GTF3C3: variants seen among roughly 807,000 people sequenced by gnomAD.
GTF3C3 encodes the protein general transcription factor 3C polypeptide 3.
A neutral mutation model predicts 105.2 loss-of-function variants in GTF3C3; 75 were observed. The observed-to-expected ratio is 0.71, with a 90% CI of 0.59 to 0.86. GTF3C3 has a LOEUF of 0.86. Ranked by LOEUF, GTF3C3 falls within the 40% of genes least tolerant of loss-of-function variation. The pLI is 0.00. For synonymous variants in GTF3C3, 335 were observed against 370.4 expected, an observed-to-expected ratio of 0.90 and a Z score of 1.10; for missense variants, 856 against 1,076.5, an observed-to-expected ratio of 0.80 and a Z score of 2.87.
intron 16 of GTF3C3, among the ~76,000 whole-genome samples, chr2:196,769,179 C>T (rs1699126369): frequency 6.6e-6 from 1 of 152,146 alleles, no homozygotes; most frequent in Non-Finnish European, 1.5e-5. Flanking sequence ...CTAGTTTCAA[C>T]TGTTATCACC....
Position 196,784,846 on chromosome 2 carries a change from G to GA in GTF3C3, c.1114+10dup. The GA allele has an allele frequency of 6.2e-7, 1 of 1,602,254 alleles. No homozygotes were observed. The highest frequency in any genetic ancestry group is 8.5e-7 in the Non-Finnish European group (1 of 1,175,572). On this transcript the variant is annotated intron_variant, in intron 8 of 17. Coordinates refer to ENST00000263956, the MANE Select transcript of GTF3C3 (RefSeq NM_012086.5). Reference sequence around the variant, plus strand: ...ATTATATACACTTTCCTAAGCAGAGGAAACTACAACCTTTATTCTCTTCTG... The same window carrying GA: ...ATTATATACACTTTCCTAAGCAGAGGAAAACTACAACCTTTATTCTCTTCTG...
At chr2:196,766,774 G>C in intron 16 of GTF3C3, 57 bp from the exon 17 acceptor site, 1 of 1,353,444 alleles carries the variant, frequency 7.4e-7, no homozygotes, top group East Asian at 2.3e-5. Context: ...TTATGTACTA[G>C]ACCACTGTAT....
chr2:196,784,983 AT>A (rs1439974133), intron 7 of GTF3C3, 54 bp from the exon 8 acceptor site: 1 of 1,164,986 alleles, frequency 8.6e-7, no homozygotes, highest in African/African-American at 1.5e-5. Flanking sequence ...AAACCATTTC[AT>A]AATGCAAAGA....
chr2:196,785,586 C>A lies in GTF3C3; in HGVS notation c.896G>T (p.Ser299Ile). The A allele has an allele frequency of 6.3e-7, 1 of 1,594,978 alleles. No homozygotes were observed. The highest frequency in any genetic ancestry group is 8.6e-7 in the Non-Finnish European group (1 of 1,168,020). ...AGTAACATCATTGGCTTCATAGTAACTCCTAAAAAAAAGTGGCAAAATGGA... is the reference window on the plus strand; with the variant it reads ...AGTAACATCATTGGCTTCATAGTAAATCCTAAAAAAAAGTGGCAAAATGGA... ...FMQLARDMAK[S>I]YYEANDVTSA... Residue 299 changes from serine to isoleucine, a missense_variant and splice_region_variant, in exon 7 of 18, where the codon AGT becomes ATT. Ser to Ile is a moderately radical substitution (Grantham distance 142). Around this residue, in one of 3 missense-constraint regions of GTF3C3, gnomAD observed 605 missense variants for 833.6 expected, o/e 0.73. Coordinates refer to ENST00000263956, the MANE Select transcript of GTF3C3 (RefSeq NM_012086.5).
chr2:196,790,575 A>G (rs1398043358), intron 4 of GTF3C3, among the ~76,000 whole-genome samples: 3 of 152,368 alleles, frequency 2.0e-5, no homozygotes, highest in Non-Finnish European at 1.5e-5. Flanking sequence ...ATGAAGTATT[A>G]AAGTCAAAGA....
chr2:196,797,769 T>C (rs772199134), intron 2 of GTF3C3, 28 bp downstream of exon 2: 1 of 1,202,352 alleles, frequency 8.3e-7, no homozygotes, highest in South Asian at 1.2e-5. Flanking sequence ...TAAACATTCA[T>C]TGCAGGAAGC....
chr2:196,780,785 A>G (rs1183983437), intron 8 of GTF3C3, 123 bp from the exon 9 acceptor site: 2 of 1,197,130 alleles, frequency 1.7e-6, no homozygotes, highest in East Asian at 5.2e-5. Flanking sequence ...AGTGTGGCCA[A>G]CTCTATTAAT....
In GTF3C3 at chr2:196,771,938, C is replaced by A; in HGVS notation, c.2070G>T (p.Arg690Ser). Residue 690 changes from arginine to serine, a missense_variant and splice_region_variant, in exon 15 of 18, where the codon AGG becomes AGT. Coordinates refer to ENST00000263956, the MANE Select transcript of GTF3C3 (RefSeq NM_012086.5). The stretch of plus-strand genomic sequence containing the variant: ...TATTGACATTTTCCATTACCATTAT[C>A]CTAAAATTGCAGGAAGAGGGTGAGG... ...KNFRKAYNYI[R>S]IMVMENVNKP... 2 of 1,606,360 alleles carry A rather than the reference C, an allele frequency of 1.2e-6. No individual in the cohort carries two copies. Among genetic ancestry groups the A allele is most frequent in the Non-Finnish European group, 1.7e-6 (2 of 1,173,052 alleles).
At position 196,786,224 on chromosome 2, in the gene GTF3C3, T is replaced by TA. The variant is rs1156406435; in HGVS notation, c.894-637dup. Among the ~76,000 whole-genome samples, 5 of 152,282 alleles carry TA rather than the reference T, an allele frequency of 3.3e-5. No homozygotes were observed. Among genetic ancestry groups the TA allele is most frequent in the Admixed American group, 3.3e-4 (5 of 15,284 alleles). ...GCCTATGGACCAACTGGCTATCTTG[T>TA]AAAAACGCATATTCGGATCCAGTAG... is the stretch of plus-strand genomic sequence containing the variant. On this transcript the variant is annotated intron_variant, in intron 6 of 17. Transcript: ENST00000263956. This position sits in a 1 kb window ranked among gnomAD's most constrained non-coding sequence, Gnocchi z 4.2.
At chr2:196,777,927 ATATCT>A (rs1257233925) in intron 10 of GTF3C3, 2 of 152,234 alleles carry the variant, frequency 1.3e-5, no homozygotes, top group African/African-American at 4.8e-5. Context: ...TATCCTGCTC[ATATCT>A]TTAAAATTCA....
At position 196,780,543 on chromosome 2, in the gene GTF3C3, A is replaced by G; in HGVS notation, c.1218+16T>C. ...ATTTGATCTGAAGTATCTCAAGTGCAGATCTTGTTACATACATTAAGTGGT... is the reference window on the plus strand; with the variant it reads ...ATTTGATCTGAAGTATCTCAAGTGCGGATCTTGTTACATACATTAAGTGGT... On this transcript the variant is annotated intron_variant, in intron 9 of 17. Coordinates refer to ENST00000263956, the MANE Select transcript of GTF3C3 (RefSeq NM_012086.5). 2 of 1,609,148 alleles carry G rather than the reference A, an allele frequency of 1.2e-6. No individual in the cohort carries two copies. The highest frequency in any genetic ancestry group is 1.7e-6 in the Non-Finnish European group (2 of 1,176,500).
rs931376249 is a variant in GTF3C3 at position 196,785,529 on chromosome 2, G to A, written c.953C>T (p.Ser318Leu). ...CATGGAGACTAGGCCCTGGTGTTTT[G>A]AGAAAGCTTCATCAATTATGTTAAT... ...SAINIIDEAF[S>L]KHQGLVSMED... Residue 318 changes from serine to leucine, a missense_variant, in exon 7 of 18, where the codon TCA becomes TTA. Transcript: ENST00000263956. 8.1e-6 allele frequency: 13 copies of A among 1,608,084 alleles called. No individual in the cohort carries two copies. Among genetic ancestry groups the A allele is most frequent in the Non-Finnish European group, 1.0e-5 (12 of 1,175,166 alleles).
intron 2 of GTF3C3, among the ~76,000 whole-genome samples, chr2:196,794,596 C>G (rs1699607523): frequency 6.6e-6 from 1 of 151,140 alleles, no homozygotes; most frequent in East Asian, 1.9e-4. Context: ...CCACCACGCC[C>G]AGCTAATTTT....
At position 196,799,502 on chromosome 2, in the gene GTF3C3, C is replaced by G. The variant is rs756289832; in HGVS notation, c.102+8G>C. On this transcript the variant is annotated splice_region_variant and intron_variant, in intron 1 of 17. Coordinates refer to ENST00000263956, the MANE Select transcript of GTF3C3 (RefSeq NM_012086.5). ...AGTGAAGGGCACCGTGGCCTAGCAT[C>G]GCCTCACTTTCTTCTCGCGGGTTTT... is the stretch of plus-strand genomic sequence containing the variant. The G allele has an allele frequency of 6.2e-7, 1 of 1,608,492 alleles. No homozygotes were observed. Among genetic ancestry groups the G allele is most frequent in the East Asian group, 2.2e-5 (1 of 44,854 alleles).
rs770975081 is a variant in GTF3C3 at position 196,784,880 on chromosome 2, T to C, written c.1091A>G (p.Glu364Gly). The change falls in exon 8 of 18, where the codon GAA becomes GGA. Residue 364 changes from glutamate to glycine, a missense_variant. By Grantham distance (98) the Glu-to-Gly change is moderately conservative. Transcript: ENST00000263956. Reference protein sequence around the residue: ...GIVLEKKTSEEGTSEENKAPE... With the variant: ...GIVLEKKTSEGGTSEENKAPE... ...ACCTTTATTCTCTTCTGAGGTGCCT[T>C]CTTCTGAAGTTTTTTTTTCCAGCAC... is the stretch of plus-strand genomic sequence containing the variant. 4 of 1,611,438 alleles carry C rather than the reference T, an allele frequency of 2.5e-6. No homozygotes were observed. The highest frequency in any genetic ancestry group is 1.1e-5 in the South Asian group (1 of 90,864).
chr2:196,787,550 C>G (rs1481046862), intron 6 of GTF3C3, among the ~76,000 whole-genome samples: 1 of 152,072 alleles, frequency 6.6e-6, no homozygotes, highest in Non-Finnish European at 1.5e-5. Context: ...GTTCTCGTAC[C>G]TACTTCAGTT....
At chr2:196,789,001 G>A (rs577841146) in intron 6 of GTF3C3, among the ~76,000 whole-genome samples, 4 of 152,242 alleles carry the variant, frequency 2.6e-5, no homozygotes, top group South Asian at 4.1e-4. Context: ...AGAAGTTCAC[G>A]GCTGCAGTGA....
intron 17 of GTF3C3, among the ~76,000 whole-genome samples, chr2:196,765,760 C>T (rs1699052389): frequency 6.6e-6 from 1 of 151,766 alleles, no homozygotes; most frequent in Admixed American, 6.6e-5. Context: ...CCTGTAATCC[C>T]AGCACTTTGG....
At chr2:196,788,131 A>G (rs1699483813) in intron 6 of GTF3C3, among the ~76,000 whole-genome samples, 1 of 152,254 alleles carries the variant, frequency 6.6e-6, no homozygotes, top group Non-Finnish European at 1.5e-5. Context: ...ATTGTATTCC[A>G]TCAGAGATCA....
Sources: gnomAD v4.1 joint callset for allele counts (sites outside exome capture counted in the v4.1 genomes callset) on GRCh38, gnomAD v4.1.1 for gene constraint, gnomAD v4.1.1 regional missense constraint, Gnocchi (gnomAD v3.1) non-coding constraint, MANE v1.5 for transcripts, NCBI Gene and HGNC (gene_info 2026-07-23, HGNC 2026-07-21) for gene names.